PRKAG2: variants seen among roughly 807,000 people sequenced by gnomAD.
PRKAG2 encodes the protein 5'-AMP-activated protein kinase subunit gamma-2.
A neutral mutation model predicts 69.6 loss-of-function variants in PRKAG2; 26 were observed. The ratio of observed to expected loss-of-function variants is 0.37; its 90% CI spans 0.27 to 0.52. The LOEUF (loss-of-function observed/expected upper bound fraction) is 0.52, where lower values mean the gene tolerates loss of function less well. Among genes scored for constraint, PRKAG2 ranks in the 20% least tolerant of loss-of-function variants. PRKAG2 has a pLI of 0.90. For synonymous variants in PRKAG2, 293 were observed against 285.0 expected (o/e 1.03, Z -0.28); for missense variants, 557 against 740.0 (o/e 0.75, Z 2.87).
intron 3 of PRKAG2, among the ~76,000 whole-genome samples, chr7:151,722,514 C>T (rs982209567): frequency 6.6e-6 from 1 of 152,108 alleles, no homozygotes; most frequent in African/African-American, 2.4e-5. Context: ...CAGGGGTCTC[C>T]TCGTGGAGCT....
chr7:151,639,891 G>GTCAA (rs199740167), intron 4 of PRKAG2, among the ~76,000 whole-genome samples: 3,650 of 152,102 alleles, frequency 0.024, 74 homozygotes, highest in Non-Finnish European at 0.031. Flanking sequence ...CTATCAGTCA[G>GTCAA]TCAATCAATC....
chr7:151,644,581 C>T (rs1208539151), intron 4 of PRKAG2, among the ~76,000 whole-genome samples: 3 of 152,174 alleles, frequency 2.0e-5, no homozygotes, highest in Non-Finnish European at 4.4e-5. Context: ...TTTGTCTATT[C>T]ATTCACCAGT....
intron 4 of PRKAG2, among the ~76,000 whole-genome samples, chr7:151,656,330 C>T (rs539632789): frequency 5.3e-5 from 8 of 152,188 alleles, no homozygotes; most frequent in East Asian, 1.9e-4. Flanking sequence ...TGAGGTTGGG[C>T]GAATCACCTG....
intron 12 of PRKAG2, 64 bp from the exon 13 acceptor site, chr7:151,565,447 C>T (rs1806025382): frequency 1.8e-5 from 21 of 1,169,680 alleles, no homozygotes; most frequent in Non-Finnish European, 2.5e-5. Flanking sequence ...CATTTAAAAT[C>T]AGTTTTAATG....
chr7:151,768,695 G>C (rs2075866987), intron 3 of PRKAG2, among the ~76,000 whole-genome samples: 1 of 152,188 alleles, frequency 6.6e-6, no homozygotes. Context: ...TTGAACTCCT[G>C]GGCTCAAGTG....
At chr7:151,696,815 G>A (rs1836760497) in intron 3 of PRKAG2, among the ~76,000 whole-genome samples, 3 of 152,330 alleles carry the variant, frequency 2.0e-5, no homozygotes, top group South Asian at 4.1e-4. Context: ...AAAAAGAGCT[G>A]GAGAGTGGGG....
intron 3 of PRKAG2, among the ~76,000 whole-genome samples, chr7:151,775,739 A>T (rs1438653050): frequency 2.6e-5 from 4 of 152,210 alleles, no homozygotes; most frequent in African/African-American, 9.7e-5. Context: ...CCAGACAGCA[A>T]GTTCCTCCCA....
At chr7:151,858,497 G>A (rs2079840231) in intron 1 of PRKAG2, among the ~76,000 whole-genome samples, 1 of 152,178 alleles carries the variant, frequency 6.6e-6, no homozygotes, top group Non-Finnish European at 1.5e-5. Context: ...AAGCCTCAGT[G>A]GATAGTTAAA....
At chr7:151,862,333 T>C (rs1199578730) in intron 1 of PRKAG2, among the ~76,000 whole-genome samples, 1 of 152,002 alleles carries the variant, frequency 6.6e-6, no homozygotes, top group East Asian at 1.9e-4. Context: ...GAAAAAAAAA[T>C]GCCTCTTTTT....
intron 1 of PRKAG2, among the ~76,000 whole-genome samples, chr7:151,793,538 C>A (rs1453320064): frequency 6.6e-6 from 1 of 152,244 alleles, no homozygotes; most frequent in African/African-American, 2.4e-5. Flanking sequence ...CAGCTACAGG[C>A]CCGAGGCCCG....
At chr7:151,634,360 T>C (rs1424872560) in intron 4 of PRKAG2, among the ~76,000 whole-genome samples, 2 of 152,146 alleles carry the variant, frequency 1.3e-5, no homozygotes, top group African/African-American at 4.8e-5. Flanking sequence ...CTTAAAACTA[T>C]GAAACTTTTT....
At chr7:151,798,332 T>G (rs932926724) in intron 1 of PRKAG2, among the ~76,000 whole-genome samples, 1 of 152,054 alleles carries the variant, frequency 6.6e-6, no homozygotes, top group Non-Finnish European at 1.5e-5. Context: ...TTTTGTTTTT[T>G]GAGATGGAGT....
chr7:151,626,710 C>A (rs1217266780), intron 5 of PRKAG2, among the ~76,000 whole-genome samples: 1 of 151,894 alleles, frequency 6.6e-6, no homozygotes, highest in Non-Finnish European at 1.5e-5. Context: ...CAATAGATGA[C>A]CACAAATACA....
intron 3 of PRKAG2, among the ~76,000 whole-genome samples, chr7:151,755,300 G>A (rs1475262478): frequency 6.6e-6 from 1 of 152,172 alleles, no homozygotes; most frequent in Non-Finnish European, 1.5e-5. Context: ...AGGGTGTTCT[G>A]GCTCCAGGGT....
At chr7:151,686,093 CAGTT>C (rs1308662988) in intron 3 of PRKAG2, among the ~76,000 whole-genome samples, 3 of 152,206 alleles carry the variant, frequency 2.0e-5, no homozygotes, top group South Asian at 2.1e-4. Flanking sequence ...GCCACAGAGA[CAGTT>C]AGGATGCTTC....
At chr7:151,874,197 T>TGATGTA (rs1456876408) in intron 1 of PRKAG2, among the ~76,000 whole-genome samples, 1 of 122,938 alleles carries the variant, frequency 8.1e-6, no homozygotes, top group African/African-American at 3.4e-5. Context: ...TATATGTATA[T>TGATGTA]GATGTATATG....
chr7:151,865,637 T>C (rs1248778124), intron 1 of PRKAG2, among the ~76,000 whole-genome samples: 1 of 152,204 alleles, frequency 6.6e-6, no homozygotes, highest in African/African-American at 2.4e-5. Flanking sequence ...GGCTTCCTGA[T>C]TCCGAGTGTA....
At chr7:151,637,985 A>G (rs917140176) in intron 4 of PRKAG2, among the ~76,000 whole-genome samples, 7 of 152,166 alleles carry the variant, frequency 4.6e-5, no homozygotes, top group Non-Finnish European at 1.0e-4. Context: ...TCATGCAAGC[A>G]AAGGGAAGGG....
chr7:151,814,887 A>G lies in PRKAG2; in HGVS notation c.115-28346T>C. On this transcript the variant is annotated intron_variant, in intron 1 of 15. Transcript: ENST00000287878. This position sits in a 1 kb window ranked among gnomAD's most constrained non-coding sequence, Gnocchi z 4.8. The stretch of plus-strand genomic sequence containing the variant: ...GGAGGAAACTCCTTACCACACAGCA[A>G]GCCAGCAGGAGGGAGGGCTGGACCG... 8.1e-7 allele frequency: 1 copy of G among 1,231,458 alleles called. No homozygotes were observed. Among genetic ancestry groups the G allele is most frequent in the Non-Finnish European group, 1.0e-6 (1 of 987,760 alleles). The allele number at this position is 1,231,458 out of a possible 1,614,324, so 76.3% of individuals were successfully genotyped here.
Sources: gnomAD v4.1 joint callset for allele counts (sites outside exome capture counted in the v4.1 genomes callset) on GRCh38, gnomAD v4.1.1 for gene constraint, Gnocchi (gnomAD v3.1) non-coding constraint, MANE v1.5 for transcripts, NCBI Gene and HGNC (gene_info 2026-07-23, HGNC 2026-07-21) for gene names.